The following PAPOLA variants were observed in gnomAD, a reference collection of about 807,000 sequenced individuals.
The protein encoded by PAPOLA is poly(A) polymerase alpha.
In PAPOLA, 15 loss-of-function variants were observed where a neutral mutation model predicts 100.6. That is an observed-to-expected ratio of 0.15 (90% confidence interval 0.10 to 0.23). The LOEUF is 0.23. Ranked by LOEUF, PAPOLA falls within the 10% of genes least tolerant of loss-of-function variation. The probability of loss-of-function intolerance (pLI) is 1.00; values close to 1 mark genes in which losing one functional copy is unlikely to be tolerated. For synonymous variants in PAPOLA, 293 were observed against 300.0 expected (o/e 0.98, Z 0.24); for missense variants, 533 against 884.2 (o/e 0.60, Z 5.04).
rs965008466 is a variant in PAPOLA, at chr14:96,533,336, A to C, written c.836+687A>C. On this transcript the variant is annotated intron_variant, in intron 9 of 21. Transcript: ENST00000216277. ...TAAATCGTCCATTCCTGTTCTTATG[A>C]ACTCCTGCTCCTCCCTCTGCAAAAG... is the stretch of plus-strand genomic sequence containing the variant. The C allele has an allele frequency of 7.1e-6, 7 of 983,082 alleles. No homozygotes were observed. In the African/African-American group the frequency reaches 1.0e-4, roughly 15 times the overall value. 60.9% of individuals were successfully genotyped at this position (983,082 alleles called of 1,614,324 possible). A position where few individuals can be genotyped will look rare whatever the true frequency, so the allele number is the denominator to read the frequency against.
At chr14:96,504,125 T>C (rs1566827326) in intron 1 of PAPOLA, among the ~76,000 whole-genome samples, 1 of 152,160 alleles carries the variant, frequency 6.6e-6, no homozygotes. Context: ...AGGAGATAAA[T>C]GTTTGCAGTG....
Position 96,535,619 on chromosome 14 carries a change from TTTG to T in PAPOLA, c.910-251_910-249del, listed in dbSNP as rs769438315. The T allele has an allele frequency of 1.1e-3, 1,160 of 1,086,476 alleles. 2 individuals carry two copies. The highest frequency in any genetic ancestry group is 1.1e-3 in the Non-Finnish European group (1,023 of 890,180). The allele number at this position is 1,086,476 out of a possible 1,614,324, so 67.3% of individuals were successfully genotyped here. ...TCAATAGATTCCCAAGCAGAACTTT[TTTG>T]TTGTTGTTCAGCAGGCACACTTTCT... is the stretch of plus-strand genomic sequence containing the variant. On this transcript the variant is annotated intron_variant, in intron 10 of 21. Transcript: ENST00000216277.
At position 96,565,738 on chromosome 14, in the gene PAPOLA, G is replaced by T; in HGVS notation, c.*688G>T. The T allele has an allele frequency of 5.0e-6, 2 of 398,058 alleles. No homozygotes were observed. The highest frequency in any genetic ancestry group is 8.9e-6 in the Non-Finnish European group (2 of 225,644). 24.7% of individuals were successfully genotyped at this position (398,058 alleles called of 1,614,324 possible). A position where few individuals can be genotyped will look rare whatever the true frequency, so the allele number is the denominator to read the frequency against. ...TTTATTTATGGAATTGTTTTATAGT[G>T]CATACAAATCAGCGATCAGCCAGCA... is the stretch of plus-strand genomic sequence containing the variant. On this transcript the variant is annotated 3_prime_UTR_variant, in exon 22 of 22. Transcript: ENST00000216277.
intron 20 of PAPOLA, 116 bp from the exon 21 acceptor site, chr14:96,562,703 C>T (rs992298984): frequency 2.9e-5 from 18 of 626,416 alleles, no homozygotes; most frequent in Non-Finnish European, 4.3e-5. Flanking sequence ...TCACATCTTT[C>T]TCTTGATCCC....
intron 1 of PAPOLA, among the ~76,000 whole-genome samples, chr14:96,514,178 A>AT (rs1401042408): frequency 2.7e-5 from 4 of 146,950 alleles, no homozygotes; most frequent in Admixed American, 2.0e-4. Flanking sequence ...TGCATTAGGT[A>AT]TCTTTTTTTT....
At chr14:96,514,136 C>T (rs759069302) in intron 1 of PAPOLA, among the ~76,000 whole-genome samples, 32 of 151,606 alleles carry the variant, frequency 2.1e-4, no homozygotes, top group Non-Finnish European at 3.8e-4. Flanking sequence ...CCATTAAACT[C>T]CAGTTAACAA....
intron 19 of PAPOLA, among the ~76,000 whole-genome samples, chr14:96,559,936 C>A (rs758657945): frequency 4.6e-5 from 7 of 151,960 alleles, no homozygotes; most frequent in Admixed American, 1.3e-4. Context: ...TCAGATTTGG[C>A]CAATTGTGAC....
Position 96,520,153 on chromosome 14 carries a change from G to T in PAPOLA, c.107G>T (p.Cys36Phe). Residue 36 changes from cysteine (C) to phenylalanine (F), a missense_variant, in exon 2 of 22, where the codon TGC becomes TTC. Physicochemically the swap from Cys to Phe is radical, Grantham distance 205. Around this residue, in one of 9 missense-constraint regions of PAPOLA, gnomAD observed 48 missense variants for 52.3 expected, o/e 0.92. Coordinates refer to ENST00000216277, the MANE Select transcript of PAPOLA (RefSeq NM_032632.5). The part of the protein sequence containing the change: ...ISLAAPKETD[C>F]VLTQKLIETL... The stretch of plus-strand genomic sequence containing the variant: ...TTAGCAGCCCCCAAGGAGACTGACT[G>T]CGTACTTACACAGAAACTAATTGAG... 1 of 1,614,000 alleles carries T rather than the reference G, an allele frequency of 6.2e-7. No individual in the cohort carries two copies. The highest frequency in any genetic ancestry group is 2.2e-5 in the East Asian group (1 of 44,878).
intron 12 of PAPOLA, among the ~76,000 whole-genome samples, chr14:96,540,353 T>G (rs1420836791): frequency 6.6e-6 from 1 of 152,140 alleles, no homozygotes; most frequent in Non-Finnish European, 1.5e-5. Context: ...CTATACTTCA[T>G]TGTCTCCTGT....
At chr14:96,552,188 T>C (rs888960127) in intron 16 of PAPOLA, among the ~76,000 whole-genome samples, 1 of 152,188 alleles carries the variant, frequency 6.6e-6, no homozygotes, top group African/African-American at 2.4e-5. Flanking sequence ...TTTTATATTA[T>C]AGTGTTTTTA....
chr14:96,547,870 G>A lies in PAPOLA; in HGVS notation c.1473G>A (p.Lys491=). Residue 491 remains lysine (K), a synonymous_variant, in exon 16 of 22, where the codon AAG becomes AAA. Transcript: ENST00000216277. ...MKIAAMHVKR[K]QLHQLLPNHV... The stretch of plus-strand genomic sequence containing the variant: ...TTGCTGCAATGCATGTAAAAAGAAA[G>A]CAACTCCATCAACTACTACCTAATC... 6.2e-7 allele frequency: 1 copy of A among 1,611,418 alleles called. No individual in the cohort carries two copies. The highest frequency in any genetic ancestry group is 8.5e-7 in the Non-Finnish European group (1 of 1,178,296).
intron 9 of PAPOLA, 62 bp from the exon 10 acceptor site, chr14:96,534,429 C>A: frequency 6.3e-7 from 1 of 1,587,748 alleles, no homozygotes; most frequent in African/African-American, 1.3e-5. Flanking sequence ...GTATGTTTAA[C>A]AAAATACGTT....
At chr14:96,531,897 T>TA in intron 7 of PAPOLA, 2 of 1,352,716 alleles carry the variant, frequency 1.5e-6, no homozygotes, top group Non-Finnish European at 1.9e-6. Flanking sequence ...TTGATCCTGT[T>TA]ATTCTTTAGT....
intron 1 of PAPOLA, among the ~76,000 whole-genome samples, chr14:96,512,273 C>T (rs931321205): frequency 5.3e-5 from 8 of 151,560 alleles, no homozygotes; most frequent in African/African-American, 1.9e-4. Context: ...AAAAAAAAAA[C>T]TGGGTGTCAT....
At chr14:96,530,735 ATAATATAGT>A (rs1404916655) in intron 6 of PAPOLA, among the ~76,000 whole-genome samples, 2 of 152,136 alleles carry the variant, frequency 1.3e-5, no homozygotes, top group Non-Finnish European at 2.9e-5. Context: ...ATGATACGAA[ATAATATAGT>A]TTGGACTTTT....
intron 12 of PAPOLA, among the ~76,000 whole-genome samples, chr14:96,539,452 G>A (rs56254662): frequency 0.11 from 16,079 of 152,082 alleles, 987 homozygotes; most frequent in South Asian, 0.17. Flanking sequence ...AATTTGTTTT[G>A]CAAATAGCAG....
intron 12 of PAPOLA, chr14:96,537,345 C>T (rs1899623699): frequency 3.5e-6 from 1 of 285,514 alleles, no homozygotes; most frequent in African/African-American, 2.1e-5. Context: ...CATCTGTATA[C>T]AGTGGCAAGT....
intron 1 of PAPOLA, among the ~76,000 whole-genome samples, chr14:96,510,273 A>C (rs981333097): frequency 6.6e-6 from 1 of 152,088 alleles, no homozygotes; most frequent in Admixed American, 6.5e-5. Flanking sequence ...CTGTAATACT[A>C]TGACTTACTA....
intron 12 of PAPOLA, among the ~76,000 whole-genome samples, chr14:96,541,099 C>T: frequency 6.6e-6 from 1 of 152,128 alleles, no homozygotes; most frequent in East Asian, 1.9e-4. Context: ...CTGTGTTAGC[C>T]AGGATGGTCT....
Sources: gnomAD v4.1 joint callset for allele counts (sites outside exome capture counted in the v4.1 genomes callset) on GRCh38, gnomAD v4.1.1 for gene constraint, gnomAD v4.1.1 regional missense constraint, MANE v1.5 for transcripts, NCBI Gene and HGNC (gene_info 2026-07-23, HGNC 2026-07-21) for gene names.